Variants in ZBTB8A observed in about 807,000 individuals in gnomAD.
The protein encoded by ZBTB8A is zinc finger and BTB domain-containing protein 8A.
Under a neutral mutation model 37.8 loss-of-function variants are expected in ZBTB8A, and 19 were observed. The observed-to-expected ratio is 0.50, with a 90% confidence interval of 0.35 to 0.74. ZBTB8A has a LOEUF of 0.74. Among genes scored for constraint, ZBTB8A ranks in the 30% least tolerant of loss-of-function variants. ZBTB8A has a pLI of 0.01. For synonymous variants in ZBTB8A, 181 were observed against 185.2 expected (o/e 0.98, Z 0.19); for missense variants, 394 against 537.8 (o/e 0.73, Z 2.65).
At chr1:32,547,387 C>T (rs1405022736) in intron 1 of ZBTB8A, among the ~76,000 whole-genome samples, 1 of 144,290 alleles carries the variant, frequency 6.9e-6, no homozygotes, top group Non-Finnish European at 1.5e-5. Context: ...GGAGTCTTGC[C>T]CTGTTGCCCA....
intron 1 of ZBTB8A, among the ~76,000 whole-genome samples, chr1:32,549,230 A>G (rs1644131275): frequency 6.6e-6 from 1 of 152,086 alleles, no homozygotes. Context: ...GCTGTGGCTC[A>G]TGCCTGTAAT....
chr1:32,597,915 T>TC (rs1644545416), intron 4 of ZBTB8A, among the ~76,000 whole-genome samples: 1 of 151,176 alleles, frequency 6.6e-6, no homozygotes, highest in East Asian at 2.0e-4. Flanking sequence ...CTAATTTTTT[T>TC]TTTTTTTTTT....
intron 2 of ZBTB8A, among the ~76,000 whole-genome samples, chr1:32,572,892 A>G (rs1644332392): frequency 6.6e-6 from 1 of 150,988 alleles, no homozygotes; most frequent in Admixed American, 6.6e-5. Flanking sequence ...TGGTTGATCT[A>G]GCTAAAGGTT....
intron 2 of ZBTB8A, among the ~76,000 whole-genome samples, chr1:32,577,609 T>TTTG (rs1644372932): frequency 6.9e-6 from 1 of 145,424 alleles, no homozygotes; most frequent in Non-Finnish European, 1.5e-5. Context: ...TTTTTTTTTT[T>TTTG]GAGACAGAGT....
intron 2 of ZBTB8A, among the ~76,000 whole-genome samples, chr1:32,576,907 C>G (rs1432982258): frequency 6.9e-6 from 1 of 144,614 alleles, no homozygotes; most frequent in African/African-American, 2.6e-5. Context: ...GAGTCTCACT[C>G]TGTTATCCAG....
chr1:32,593,851 A>C lies in ZBTB8A; in HGVS notation c.823+97A>C. On this transcript the variant is annotated intron_variant, in intron 3 of 4. Transcript: ENST00000373510. ...ACCCTTAGTTTCAGGTGCTCTAAGCAGTTGAAGCAAGTGATTTTTTTCAAA... is the reference window on the plus strand; with the variant it reads ...ACCCTTAGTTTCAGGTGCTCTAAGCCGTTGAAGCAAGTGATTTTTTTCAAA... 3 of 903,288 alleles carry C rather than the reference A, an allele frequency of 3.3e-6. No homozygotes were observed. The South Asian group carries it at 5.4e-5, about 16-fold the overall frequency. The allele number at this position is 903,288 out of a possible 1,614,324, so 56.0% of individuals were successfully genotyped here.
At chr1:32,553,984 G>A (rs1252203862) in intron 2 of ZBTB8A, among the ~76,000 whole-genome samples, 1 of 151,728 alleles carries the variant, frequency 6.6e-6, no homozygotes, top group Non-Finnish European at 1.5e-5. Flanking sequence ...AGGATCACCT[G>A]AAGTCTGGAG....
intron 4 of ZBTB8A, 55 bp from the exon 5 acceptor site, chr1:32,600,032 C>G: frequency 6.9e-7 from 1 of 1,443,112 alleles, no homozygotes. Context: ...CCTAAAATAT[C>G]AAACTGTCCT....
chr1:32,567,205 A>C (rs1644286401), intron 2 of ZBTB8A, among the ~76,000 whole-genome samples: 6 of 152,136 alleles, frequency 3.9e-5, no homozygotes. Flanking sequence ...AGCAGGAGGA[A>C]GAGAGTGAAG....
At chr1:32,574,415 G>A (rs1420504645) in intron 2 of ZBTB8A, among the ~76,000 whole-genome samples, 1 of 152,062 alleles carries the variant, frequency 6.6e-6, no homozygotes, top group African/African-American at 2.4e-5. Flanking sequence ...GGGCAATGTA[G>A]GCAGACCCCT....
intron 2 of ZBTB8A, among the ~76,000 whole-genome samples, chr1:32,582,783 G>A (rs917420692): frequency 2.2e-4 from 33 of 152,126 alleles, no homozygotes; most frequent in East Asian, 7.7e-4. Flanking sequence ...ACAGTATCCC[G>A]GGTTTGTCTG....
intron 2 of ZBTB8A, among the ~76,000 whole-genome samples, chr1:32,560,607 TTTTC>T (rs1351560399): frequency 6.0e-5 from 9 of 149,264 alleles, no homozygotes; most frequent in African/African-American, 9.8e-5. Context: ...TTTTCTTTTC[TTTTC>T]TTTCTTTTTT....
rs562833086 is a variant in ZBTB8A at position 32,603,536 on chromosome 1, T to G, written c.*3117T>G. ...GACACCTTTTGAAATTAAAACCTGA[T>G]TTTTTAGTTGTTGGAGCCAGTAGGA... is the stretch of plus-strand genomic sequence containing the variant. On this transcript the variant is annotated 3_prime_UTR_variant, in exon 5 of 5. Transcript: ENST00000373510. 1 of 152,728 alleles carries G rather than the reference T, an allele frequency of 6.5e-6. No homozygotes were observed. Among genetic ancestry groups the G allele is most frequent in the South Asian group, 2.1e-4 (1 of 4,830 alleles). The allele number at this position is 152,728 out of a possible 1,614,324, so 9.5% of individuals were successfully genotyped here.
At chr1:32,565,539 A>C (rs1644272041) in intron 2 of ZBTB8A, among the ~76,000 whole-genome samples, 1 of 151,184 alleles carries the variant, frequency 6.6e-6, no homozygotes, top group South Asian at 2.1e-4. Flanking sequence ...CTGTAACCCC[A>C]GCTACTCAGG....
At chr1:32,563,463 CT>C (rs1164183027) in intron 2 of ZBTB8A, among the ~76,000 whole-genome samples, 1 of 151,840 alleles carries the variant, frequency 6.6e-6, no homozygotes, top group Non-Finnish European at 1.5e-5. Flanking sequence ...CTTTTTCTTT[CT>C]TTTTTTTCTT....
intron 2 of ZBTB8A, among the ~76,000 whole-genome samples, chr1:32,581,443 C>G (rs1644406366): frequency 6.7e-6 from 1 of 149,100 alleles, no homozygotes; most frequent in African/African-American, 2.5e-5. Context: ...CCTCCATCCC[C>G]CAGGTTCAAG....
At chr1:32,549,998 C>G (rs889306908) in intron 1 of ZBTB8A, among the ~76,000 whole-genome samples, 1 of 152,172 alleles carries the variant, frequency 6.6e-6, no homozygotes, top group African/African-American at 2.4e-5. Context: ...CCACATTTCA[C>G]ATGGGGAAAC....
chr1:32,548,389 G>A (rs1644123983), intron 1 of ZBTB8A, among the ~76,000 whole-genome samples: 1 of 151,872 alleles, frequency 6.6e-6, no homozygotes, highest in South Asian at 2.1e-4. Flanking sequence ...GGCTGGAGTG[G>A]AGTGGTGCAA....
intron 4 of ZBTB8A, among the ~76,000 whole-genome samples, chr1:32,596,721 G>A (rs1454438475): frequency 6.6e-6 from 1 of 152,162 alleles, no homozygotes; most frequent in African/African-American, 2.4e-5. Flanking sequence ...GCATAATTAT[G>A]TATATTGATT....
Sources: gnomAD v4.1 joint callset for allele counts (sites outside exome capture counted in the v4.1 genomes callset) on GRCh38, gnomAD v4.1.1 for gene constraint, MANE v1.5 for transcripts, NCBI Gene and HGNC (gene_info 2026-07-23, HGNC 2026-07-21) for gene names.